The following RYR3 variants were observed in gnomAD, a reference collection of about 807,000 sequenced individuals.
The protein encoded by RYR3 is ryanodine receptor 3, also known as brain ryanodine receptor-calcium release channel.
In RYR3, 207 loss-of-function variants were observed where a neutral mutation model predicts 584.3. The observed-to-expected ratio is 0.35, with a 90% confidence interval of 0.32 to 0.40. The LOEUF is 0.40. Among genes scored for constraint, RYR3 ranks in the 10% least tolerant of loss-of-function variants. The pLI, the probability that RYR3 is intolerant of heterozygous loss-of-function variation, is 1.00. For synonymous variants in RYR3, 2,416 were observed against 2,248.5 expected (o/e 1.07, Z -2.11); for missense variants, 5,616 against 6,089.2 (o/e 0.92, Z 2.59).
chr15:33,644,104 C>G (rs1446359444), intron 27 of RYR3, among the ~76,000 whole-genome samples: 1 of 152,196 alleles, frequency 6.6e-6, no homozygotes, highest in Non-Finnish European at 1.5e-5. Context: ...GCTCTCTTAT[C>G]TTTCCTATGT....
chr15:33,860,191 T>TAAGA (rs1393505266), intron 100 of RYR3, among the ~76,000 whole-genome samples: 1 of 150,536 alleles, frequency 6.6e-6, no homozygotes, highest in Non-Finnish European at 1.5e-5. Flanking sequence ...GAGGAACCTG[T>TAAGA]AAGACATGCA....
intron 43 of RYR3, among the ~76,000 whole-genome samples, chr15:33,715,012 A>C (rs1012707659): frequency 6.6e-6 from 1 of 152,250 alleles, no homozygotes; most frequent in Non-Finnish European, 1.5e-5. Context: ...AGAATTAGTC[A>C]AGGGATGCAT....
intron 38 of RYR3, 29 bp downstream of exon 38, chr15:33,670,585 G>A: frequency 1.3e-6 from 2 of 1,539,900 alleles, no homozygotes; most frequent in South Asian, 2.6e-5. Flanking sequence ...AAATGACAGT[G>A]TGCTCTTCTA....
intron 1 of RYR3, among the ~76,000 whole-genome samples, chr15:33,401,330 T>C (rs1290744308): frequency 6.6e-6 from 1 of 152,210 alleles, no homozygotes; most frequent in Non-Finnish European, 1.5e-5. Context: ...ATCCTTGCAA[T>C]AGCCCTGGTC....
At chr15:33,441,035 C>G (rs189065189) in intron 1 of RYR3, among the ~76,000 whole-genome samples, 4 of 152,116 alleles carry the variant, frequency 2.6e-5, no homozygotes, top group Non-Finnish European at 5.9e-5. Flanking sequence ...TACCCAGTTA[C>G]GTACACAGCA....
chr15:33,664,238 G>C (rs543709142), intron 36 of RYR3, among the ~76,000 whole-genome samples: 6 of 152,216 alleles, frequency 3.9e-5, no homozygotes, highest in African/African-American at 1.2e-4. Flanking sequence ...GCTCCATGGA[G>C]CCTGGAGAAG....
At chr15:33,832,347 T>C (rs1412672133) in intron 86 of RYR3, among the ~76,000 whole-genome samples, 1 of 151,638 alleles carries the variant, frequency 6.6e-6, no homozygotes, top group Non-Finnish European at 1.5e-5. Flanking sequence ...TCATATATAC[T>C]GTGCTTAATT....
At chr15:33,591,526 T>C (rs1368596062) in intron 16 of RYR3, among the ~76,000 whole-genome samples, 1 of 152,182 alleles carries the variant, frequency 6.6e-6, no homozygotes, top group Non-Finnish European at 1.5e-5. Context: ...AATAACACAC[T>C]ATGTTAGTAG....
intron 1 of RYR3, among the ~76,000 whole-genome samples, chr15:33,392,441 C>A (rs552943085): frequency 6.6e-6 from 1 of 151,844 alleles, no homozygotes; most frequent in Admixed American, 6.5e-5. Flanking sequence ...AGGAAGCCAA[C>A]CTTGGGAGGG....
chr15:33,837,777 C>T lies in RYR3; in HGVS notation c.11797C>T (p.Pro3933Ser). 1.2e-6 allele frequency: 2 copies of T among 1,613,826 alleles called. No individual in the cohort carries two copies. The highest frequency in any genetic ancestry group is 1.7e-6 in the Non-Finnish European group (2 of 1,179,854). The change falls in exon 89 of 104, where the codon CCA (proline) becomes TCA (serine). Residue 3933 changes from proline to serine, a missense_variant. By Grantham distance (74) the Pro-to-Ser change is moderately conservative. Coordinates refer to ENST00000634891, the MANE Select transcript of RYR3 (RefSeq NM_001036.6). ...TSSDTFKEYD[P>S]DGKGIISKKE... ...CTCAGACACCTTCAAAGAATATGAC[C>T]CAGATGGTAAAGGAATTATCTCCAA...
At chr15:33,767,863 CT>C in intron 60 of RYR3, among the ~76,000 whole-genome samples, 1 of 152,312 alleles carries the variant, frequency 6.6e-6, no homozygotes, top group South Asian at 2.1e-4. Context: ...CACAGTGCCC[CT>C]AGGTGAGGTC....
intron 75 of RYR3, among the ~76,000 whole-genome samples, chr15:33,818,044 A>G (rs2076910850): frequency 6.6e-6 from 1 of 152,218 alleles, no homozygotes; most frequent in Admixed American, 6.5e-5. Flanking sequence ...AGAATTTTAG[A>G]ATCAAGAGTT....
chr15:33,392,361 C>T (rs1354849319), intron 1 of RYR3, among the ~76,000 whole-genome samples: 1 of 150,982 alleles, frequency 6.6e-6, no homozygotes, highest in Non-Finnish European at 1.5e-5. Flanking sequence ...AAGGCTGGAG[C>T]ACAAGTCGTT....
intron 1 of RYR3, among the ~76,000 whole-genome samples, chr15:33,435,178 T>G (rs1236024211): frequency 6.6e-6 from 1 of 152,174 alleles, no homozygotes; most frequent in Non-Finnish European, 1.5e-5. Flanking sequence ...TAAATTTGTA[T>G]CACTAGGGCT....
At chr15:33,756,442 G>A (rs2071836692) in intron 59 of RYR3, 69 bp downstream of exon 59, 2 of 1,107,912 alleles carry the variant, frequency 1.8e-6, no homozygotes, top group South Asian at 1.4e-5. Flanking sequence ...AACAGGTTAA[G>A]TGGATCCAGT....
chr15:33,771,926 C>A lies in RYR3; in HGVS notation c.8823C>A (p.Val2941=). The A allele has an allele frequency of 6.2e-7, 1 of 1,609,376 alleles. No homozygotes were observed. Among genetic ancestry groups the A allele is most frequent in the South Asian group, 1.1e-5 (1 of 90,002 alleles). ...GAACATTGTTTGCTTGCAGGACTGT[C>A]ATGAAGTCAGGCTCAGAGCTGGTGA... is the stretch of plus-strand genomic sequence containing the variant. ...ILAQTLDTRT[V]MKSGSELVKA... The change falls in exon 63 of 104, where the codon GTC becomes GTA. Residue 2941 remains valine, a synonymous_variant. Transcript: ENST00000634891.
chr15:33,586,225 T>C, intron 16 of RYR3, 109 bp downstream of exon 16: 1 of 714,922 alleles, frequency 1.4e-6, no homozygotes, highest in Non-Finnish European at 2.4e-6. Flanking sequence ...TTGACTTTGA[T>C]AAAAATCTTG....
intron 31 of RYR3, 56 bp downstream of exon 31, chr15:33,649,291 C>A (rs979821148): frequency 1.5e-5 from 23 of 1,523,144 alleles, no homozygotes; most frequent in South Asian, 1.0e-4. Flanking sequence ...TCCCTCCCCC[C>A]AGTCTTTTTC....
intron 1 of RYR3, among the ~76,000 whole-genome samples, chr15:33,314,023 G>A (rs921923244): frequency 1.3e-5 from 2 of 152,100 alleles, no homozygotes; most frequent in African/African-American, 4.8e-5. Context: ...TGTTTATTTT[G>A]GTTATGTCCT....
Sources: gnomAD v4.1 joint callset for allele counts (sites outside exome capture counted in the v4.1 genomes callset) on GRCh38, gnomAD v4.1.1 for gene constraint, MANE v1.5 for transcripts, NCBI Gene and HGNC (gene_info 2026-07-23, HGNC 2026-07-21) for gene names.